The following ST14 variants were observed in gnomAD, a reference collection of about 807,000 sequenced individuals.
The protein encoded by ST14 is suppressor of tumorigenicity 14 protein.
ST14 carries 40 observed loss-of-function variants against 96.5 expected under a neutral mutation model. That is an observed-to-expected ratio of 0.41 (90% CI 0.32 to 0.54). ST14 has a LOEUF of 0.54. Ranked by LOEUF, ST14 falls within the 20% of genes least tolerant of loss-of-function variation. The probability of loss-of-function intolerance (pLI) is 0.17; values close to 1 mark genes in which losing one functional copy is unlikely to be tolerated. For missense variants in ST14, 1,066 were observed against 1,188.9 expected (o/e 0.90, Z 1.52); for synonymous variants, 506 against 492.1 (o/e 1.03, Z -0.37).
In ST14 at chr11:130,205,711, G is replaced by GT. The variant is rs1384712236; in HGVS notation, c.1995-2688dup. On this transcript the variant is annotated intron_variant, in intron 16 of 18. Transcript: ENST00000278742. ...TTCTTCTTTAGACGTTTTTTTTTTT[G>GT]TTTTTTTTTTTGAGACGCACTCTTT... is the stretch of plus-strand genomic sequence containing the variant. 9.2e-4 allele frequency among the ~76,000 whole-genome samples: 70 copies of GT among 76,044 alleles called. 1 individual carries two copies. The highest frequency in any genetic ancestry group is 1.7e-3 in the Non-Finnish European group (61 of 36,194). The allele number at this position is 76,044 out of a possible 152,430, so 49.9% of individuals were successfully genotyped here. A position where few individuals can be genotyped will look rare whatever the true frequency, so the allele number is the denominator to read the frequency against.
Position 130,188,423 on chromosome 11 carries a change from G to C in ST14, c.242-107G>C. The C allele has an allele frequency of 6.2e-7, 1 of 1,600,680 alleles. No homozygotes were observed. The highest frequency in any genetic ancestry group is 1.7e-5 in the Admixed American group (1 of 59,892). On this transcript the variant is annotated intron_variant, in intron 2 of 18. Coordinates refer to ENST00000278742, the MANE Select transcript of ST14 (RefSeq NM_021978.4). This position sits in a 1 kb window ranked among gnomAD's most constrained non-coding sequence, Gnocchi z 5.4. ...ATGGGGAGTGATGGGAAGCAGTCAGGGCTGACCCATGGCCCCCTCCTGGCA... is the reference window on the plus strand; with the variant it reads ...ATGGGGAGTGATGGGAAGCAGTCAGCGCTGACCCATGGCCCCCTCCTGGCA...
intron 4 of ST14, 110 bp from the exon 5 acceptor site, chr11:130,189,629 T>TTG: frequency 7.0e-7 from 1 of 1,427,408 alleles, no homozygotes; most frequent in Non-Finnish European, 9.7e-7. Context: ...CCTCTGCAGA[T>TTG]GGCAGGCCCA....
chr11:130,194,139 G>GC lies in ST14; in HGVS notation c.876-5dup. 6.2e-7 allele frequency: 1 copy of GC among 1,614,126 alleles called. No homozygotes were observed. The highest frequency in any genetic ancestry group is 8.5e-7 in the Non-Finnish European group (1 of 1,180,012). On this transcript the variant is annotated splice_polypyrimidine_tract_variant and intron_variant, in intron 7 of 18. Coordinates refer to ENST00000278742, the MANE Select transcript of ST14 (RefSeq NM_021978.4). ...CTGCTCTTCCTAATGCCCGCCCTCTGCCCCCACAGGTTGTGTGGCACCTAC... is the reference window on the plus strand; with the variant it reads ...CTGCTCTTCCTAATGCCCGCCCTCTGCCCCCCACAGGTTGTGTGGCACCTAC...
At chr11:130,196,980 C>T (rs1953373548) in intron 11 of ST14, among the ~76,000 whole-genome samples, 1 of 152,162 alleles carries the variant, frequency 6.6e-6, no homozygotes, top group Admixed American at 6.5e-5. Context: ...CTTCCCCGGC[C>T]ATCTGTCCCT....
chr11:130,182,908 C>T lies in ST14; in HGVS notation c.82-5206C>T, dbSNP rs57846623. ...TAGGTGATCCACCCACCTTGGCCTC[C>T]AAAAATGCTGGGATTACAGGCATGA... On this transcript the variant is annotated intron_variant, in intron 1 of 18. Coordinates refer to ENST00000278742, the MANE Select transcript of ST14 (RefSeq NM_021978.4). 4.5e-3 allele frequency among the ~76,000 whole-genome samples: 675 copies of T among 151,478 alleles called. 9 individuals are homozygous for T. Among genetic ancestry groups the T allele is most frequent in the African/African-American group, 0.016 (658 of 41,258 alleles).
intron 11 of ST14, among the ~76,000 whole-genome samples, chr11:130,197,401 G>A (rs997862803): frequency 1.3e-5 from 2 of 152,278 alleles, no homozygotes; most frequent in African/African-American, 4.8e-5. Context: ...AATGTTTAGG[G>A]TGAAGGAAGT....
intron 4 of ST14, 143 bp from the exon 5 acceptor site, chr11:130,189,596 A>G: frequency 9.5e-7 from 1 of 1,057,924 alleles, no homozygotes; most frequent in East Asian, 2.5e-5. Flanking sequence ...AAGAGGGATG[A>G]CACAAGAGGA....
chr11:130,198,919 C>T, intron 14 of ST14, 28 bp from the exon 15 acceptor site: 1 of 1,613,396 alleles, frequency 6.2e-7, no homozygotes. Flanking sequence ...AGGAATTGAG[C>T]CCCTCCCTTG....
rs566939969 is a variant in ST14 at position 130,208,318 on chromosome 11, C to G, written c.1995-92C>G. On this transcript the variant is annotated intron_variant, in intron 16 of 18. Transcript: ENST00000278742. The stretch of plus-strand genomic sequence containing the variant: ...TCTCGTAGCAGCAGCTGTGCCTCAT[C>G]CATGCGGAATCCTCTGGGAACGCGC... 81 of 1,570,342 alleles carry G rather than the reference C, an allele frequency of 5.2e-5. No individual in the cohort carries two copies. The African/African-American group carries it at 1.0e-3, about 20-fold the overall frequency.
intron 8 of ST14, 71 bp from the exon 9 acceptor site, chr11:130,194,569 C>T (rs552940262): frequency 1.3e-6 from 2 of 1,501,692 alleles, no homozygotes; most frequent in Admixed American, 1.7e-5. Flanking sequence ...CCTCAGGCTG[C>T]AGAGCCCTCG....
chr11:130,208,324 G>A (rs867598412), intron 16 of ST14, 86 bp from the exon 17 acceptor site: 7 of 1,589,486 alleles, frequency 4.4e-6, no homozygotes, highest in Middle Eastern at 1.7e-4. Context: ...TCATCCATGC[G>A]GAATCCTCTG....
chr11:130,190,258 T>C, intron 6 of ST14, 110 bp downstream of exon 6: 1 of 1,512,140 alleles, frequency 6.6e-7, no homozygotes, highest in Non-Finnish European at 9.2e-7. Context: ...TGAAGTATAT[T>C]ATGACGATCT....
intron 15 of ST14, 123 bp downstream of exon 15, chr11:130,199,192 G>A: frequency 9.2e-7 from 1 of 1,091,364 alleles, no homozygotes; most frequent in African/African-American, 1.6e-5. Context: ...TTGGGTGAGA[G>A]GGTGTGTCTC....
chr11:130,164,988 C>A (rs560291607), intron 1 of ST14, among the ~76,000 whole-genome samples: 7 of 152,154 alleles, frequency 4.6e-5, no homozygotes, highest in African/African-American at 1.4e-4. Context: ...CTGCCCACCT[C>A]GGCCTCCCAA....
intron 4 of ST14, chr11:130,189,175 C>T: frequency 3.4e-6 from 2 of 590,816 alleles, no homozygotes; most frequent in South Asian, 2.0e-5. Flanking sequence ...CTGTGACGTG[C>T]TTGGCATGAT....
chr11:130,173,943 T>C (rs1170523582), intron 1 of ST14, among the ~76,000 whole-genome samples: 1 of 152,228 alleles, frequency 6.6e-6, no homozygotes, highest in Non-Finnish European at 1.5e-5. Context: ...GGCCTCAGCT[T>C]ACACATAAAG....
In ST14 at chr11:130,188,319, C is replaced by A; in HGVS notation, c.241+46C>A. On this transcript the variant is annotated intron_variant, in intron 2 of 18. Coordinates refer to ENST00000278742, the MANE Select transcript of ST14 (RefSeq NM_021978.4). This position sits in a 1 kb window ranked among gnomAD's most constrained non-coding sequence, Gnocchi z 5.4. ...CTCCGGGGAGGACGACAAGGGGTGG[C>A]TGTCCCTCTTCCCTCAGCGGACAGA... 6.3e-7 allele frequency: 1 copy of A among 1,596,916 alleles called. No homozygotes were observed. Among genetic ancestry groups the A allele is most frequent in the Non-Finnish European group, 8.5e-7 (1 of 1,170,568 alleles).
intron 1 of ST14, among the ~76,000 whole-genome samples, chr11:130,179,889 T>C (rs1366983719): frequency 1.3e-5 from 2 of 152,058 alleles, no homozygotes; most frequent in African/African-American, 4.8e-5. Context: ...GGCCACGAGG[T>C]TGTGCTGGCT....
intron 16 of ST14, among the ~76,000 whole-genome samples, chr11:130,205,592 C>T (rs1161386202): frequency 6.6e-6 from 1 of 152,110 alleles, no homozygotes; most frequent in African/African-American, 2.4e-5. Flanking sequence ...TCTCCAAAAA[C>T]ACGGATGCTG....
Sources: allele counts gnomAD v4.1 joint callset (sites outside exome capture counted in the v4.1 genomes callset), GRCh38; gene constraint gnomAD v4.1.1; non-coding constraint Gnocchi (gnomAD v3.1); transcripts MANE v1.5; gene names NCBI Gene and HGNC (gene_info 2026-07-23, HGNC 2026-07-21).